The following PDZD7 variants were observed in gnomAD, a reference collection of about 807,000 sequenced individuals.
The protein encoded by PDZD7 is PDZ domain-containing protein 7.
PDZD7 carries 72 observed loss-of-function variants against 84.7 expected under a neutral mutation model. The observed-to-expected ratio is 0.85, with a 90% CI of 0.70 to 1.03. The LOEUF is 1.03. Among genes scored for constraint, PDZD7 ranks in the 50% least tolerant of loss-of-function variants. PDZD7 has a pLI of 0.00. For synonymous variants in PDZD7, 594 were observed against 580.7 expected (o/e 1.02, Z -0.33); for missense variants, 1,490 against 1,412.9 (o/e 1.05, Z -0.87).
rs1214651975 is a variant in PDZD7, at chr10:101,008,837, A to G, written c.2732T>C (p.Leu911Pro). The G allele has an allele frequency of 1.3e-6, 2 of 1,501,798 alleles. No individual in the cohort carries two copies. The highest frequency in any genetic ancestry group is 1.4e-5 in the African/African-American group (1 of 72,336). 93.0% of individuals were successfully genotyped at this position (1,501,798 alleles called of 1,614,324 possible). A position where few individuals can be genotyped will look rare whatever the true frequency, so the allele number is the denominator to read the frequency against. The change falls in exon 17 of 17, where the codon CTT becomes CCT. Residue 911 changes from leucine to proline, a missense_variant. Physicochemically the swap from Leu to Pro is moderately conservative, Grantham distance 98. Coordinates refer to ENST00000619208, the MANE Select transcript of PDZD7 (RefSeq NM_001195263.2). ...TAGATTCTCTCCGTCCACTGCCACA[A>G]GCTCGAAGCCAGCCTAGGGTGGGGT... ...LSGALQAGFE[L>P]VAVDGENLEQ...
intron 11 of PDZD7, among the ~76,000 whole-genome samples, chr10:101,013,681 A>G (rs1852475635): frequency 6.6e-6 from 1 of 152,172 alleles, no homozygotes; most frequent in Non-Finnish European, 1.5e-5. Flanking sequence ...TGTAACCTGT[A>G]TAAACCTATG....
At chr10:101,016,667 G>A (rs1852645100) in intron 9 of PDZD7, among the ~76,000 whole-genome samples, 1 of 152,236 alleles carries the variant, frequency 6.6e-6, no homozygotes, top group Admixed American at 6.5e-5. Context: ...CACTGCTTAT[G>A]CAAATTCACT....
In PDZD7 at chr10:101,016,416, C is replaced by T; in HGVS notation, c.1534G>A (p.Gly512Ser). The change falls in exon 10 of 17, where the codon GGC (glycine) becomes AGC (serine). Residue 512 changes from glycine to serine, a missense_variant. Physicochemically the swap from Gly to Ser is moderately conservative, Grantham distance 56. Transcript: ENST00000619208. ...RLDIEKAGGV[G>S]PVQKFVTWRL... is the part of the protein sequence containing the mutation. ...CAGGTGACAAACTTCTGTACCGGGCCCACGCCCCCTGCTATGAAGAAGAAA... is the reference window on the plus strand; with the variant it reads ...CAGGTGACAAACTTCTGTACCGGGCTCACGCCCCCTGCTATGAAGAAGAAA... 6 of 1,550,634 alleles carry T rather than the reference C, an allele frequency of 3.9e-6. No individual in the cohort carries two copies. The highest frequency in any genetic ancestry group is 5.2e-6 in the Non-Finnish European group (6 of 1,147,010).
In PDZD7 at chr10:101,018,869, C is replaced by T. The variant is rs1590059716; in HGVS notation, c.1277G>A (p.Arg426Gln). The change falls in exon 8 of 17, where the codon CGA (arginine) becomes CAA (glutamine). Residue 426 changes from arginine to glutamine, a missense_variant. Physicochemically the swap from Arg to Gln is conservative, Grantham distance 43. Coordinates refer to ENST00000619208, the MANE Select transcript of PDZD7 (RefSeq NM_001195263.2). ...GGAGCGCGTGATGGGGGGCCGGGGT[C>T]GGCTGAGGGCCAGCAGCAAAGCCGT... is the stretch of plus-strand genomic sequence containing the variant. ...PKTALLLALS[R>Q]PRPPITRSQS... 1.2e-6 allele frequency: 2 copies of T among 1,602,862 alleles called. No individual in the cohort carries two copies. Among genetic ancestry groups the T allele is most frequent in the South Asian group, 1.1e-5 (1 of 89,060 alleles).
At chr10:101,026,267 T>C (rs995501290) in intron 2 of PDZD7, among the ~76,000 whole-genome samples, 12 of 152,134 alleles carry the variant, frequency 7.9e-5, no homozygotes, top group African/African-American at 2.9e-4. Context: ...CCCTAGTAGC[T>C]GGGATTACTG....
In PDZD7 at chr10:101,007,704, G is replaced by A; in HGVS notation, c.*763C>T. 2.0e-6 allele frequency: 2 copies of A among 1,022,848 alleles called. 1 individual carries two copies. The highest frequency in any genetic ancestry group is 5.6e-5 in the South Asian group (2 of 35,990). 63.4% of individuals were successfully genotyped at this position (1,022,848 alleles called of 1,614,324 possible). Reference sequence around the variant, plus strand: ...GAACTCAGAAATGTCTTGTTTATTTGTGTTTGTGACCAAGCAGCCTCTCCC... The same window carrying A: ...GAACTCAGAAATGTCTTGTTTATTTATGTTTGTGACCAAGCAGCCTCTCCC... On this transcript the variant is annotated 3_prime_UTR_variant, in exon 17 of 17. Transcript: ENST00000619208.
chr10:101,018,409 CTGCAGCTACGCCGGGGTGAGAG>C (rs1236932623), intron 8 of PDZD7, 113 bp from the exon 9 acceptor site: 2 of 1,146,278 alleles, frequency 1.7e-6, no homozygotes, highest in Non-Finnish European at 2.5e-6. Flanking sequence ...CAGACAGGAT[CTGCAGCTACGCCGGGGTGAGAG>C]TGCGGTTCCT....
At position 101,011,680 on chromosome 10, in the gene PDZD7, TCTGA is replaced by T. The variant is rs1241902972; in HGVS notation, c.2005+6_2005+9del. 10 of 1,537,492 alleles carry T rather than the reference TCTGA, an allele frequency of 6.5e-6. No individual in the cohort carries two copies. The highest frequency in any genetic ancestry group is 8.7e-6 in the Non-Finnish European group (10 of 1,146,750). On this transcript the variant is annotated splice_donor_region_variant and intron_variant, in intron 14 of 16. Transcript: ENST00000619208. ...TGTGCCCCTCCCTGGGCTCTGGGACTCTGACTGACCAGGCACGGGGGTGATAAGG... is the reference window on the plus strand; with the variant it reads ...TGTGCCCCTCCCTGGGCTCTGGGACTCTGACCAGGCACGGGGGTGATAAGG...
chr10:101,021,998 CCCACT>C (rs1211779199), intron 5 of PDZD7, 53 bp from the exon 6 acceptor site: 1 of 1,603,550 alleles, frequency 6.2e-7, no homozygotes, highest in Non-Finnish European at 8.5e-7. Flanking sequence ...CCTCCGTTAC[CCCACT>C]CCAGACCCCC....
chr10:101,018,463 T>C (rs1022084527), intron 8 of PDZD7, among the ~76,000 whole-genome samples, 167 bp from the exon 9 acceptor site: 1 of 152,142 alleles, frequency 6.6e-6, no homozygotes, highest in African/African-American at 2.4e-5. Context: ...CTGACCCTTT[T>C]CCCCACCGCA....
At chr10:101,023,825 G>C in intron 3 of PDZD7, 103 bp downstream of exon 3, 1 of 1,586,514 alleles carries the variant, frequency 6.3e-7, no homozygotes, top group Non-Finnish European at 8.6e-7. Flanking sequence ...GCCCTCCAGA[G>C]CTGGGGACTC....
At position 101,010,797 on chromosome 10, in the gene PDZD7, G is replaced by T. The variant is rs1315823727; in HGVS notation, c.2092C>A (p.Leu698Ile). The change falls in exon 15 of 17, where the codon CTC becomes ATC. Residue 698 changes from leucine to isoleucine, a missense_variant. Leu to Ile is a conservative substitution (Grantham distance 5, BLOSUM62 2). Transcript: ENST00000619208. ...GCAGAGGCACTTGGGGAGACCTTGA[G>T]GGCCCCCAGCCGCTCCCTCAGCTCC... ...NGELRERLGA[L>I]KVSPSASAPR... 2 of 1,535,534 alleles carry T rather than the reference G, an allele frequency of 1.3e-6. No homozygotes were observed. The highest frequency in any genetic ancestry group is 2.0e-5 in the Admixed American group (1 of 50,998).
intron 9 of PDZD7, among the ~76,000 whole-genome samples, 182 bp from the exon 10 acceptor site, chr10:101,016,609 C>T (rs1331579030): frequency 6.6e-6 from 1 of 152,196 alleles, no homozygotes; most frequent in Non-Finnish European, 1.5e-5. Context: ...CCTTCATAGG[C>T]AATGGGGAGT....
intron 2 of PDZD7, among the ~76,000 whole-genome samples, chr10:101,027,685 A>T (rs1475492011): frequency 6.6e-6 from 1 of 151,912 alleles, no homozygotes; most frequent in Non-Finnish European, 1.5e-5. Context: ...AGATGATCAC[A>T]TTCTGACTCT....
chr10:101,017,807 A>G, intron 9 of PDZD7: 1 of 467,200 alleles, frequency 2.1e-6, no homozygotes, highest in Non-Finnish European at 3.7e-6. Flanking sequence ...AAGAAAGAAA[A>G]AGAAAGAAAG....
intron 1 of PDZD7, 69 bp downstream of exon 1, chr10:101,031,004 A>C (rs1256002899): frequency 6.6e-6 from 1 of 152,614 alleles, no homozygotes; most frequent in East Asian, 1.9e-4. Context: ...TCTGGGACCT[A>C]GAATGAAGCA....
intron 8 of PDZD7, 117 bp from the exon 9 acceptor site, chr10:101,018,413 AGCTACGCCGG>A (rs1852839275): frequency 7.2e-6 from 8 of 1,114,334 alleles, no homozygotes; most frequent in East Asian, 2.5e-5. Context: ...CAGGATCTGC[AGCTACGCCGG>A]GGTGAGAGTG....
intron 4 of PDZD7, among the ~76,000 whole-genome samples, chr10:101,022,941 T>G (rs927847595): frequency 1.3e-5 from 2 of 151,970 alleles, no homozygotes; most frequent in Non-Finnish European, 2.9e-5. Context: ...CTCGGTTAAT[T>G]TTTTATTTTT....
At position 101,012,250 on chromosome 10, in the gene PDZD7, G is replaced by A. The variant is rs796585261; in HGVS notation, c.1758C>T (p.His586=). The change falls in exon 12 of 17, where the codon CAC becomes CAT. Residue 586 remains histidine (H), a synonymous_variant. Transcript: ENST00000619208. ...AVTRHCSRYV[H]EGGIEDLVRP... ...TCACCAGGTCCTCTATGCCTCCCTC[G>A]TGCACATACTGCAGATAGAGGCAGC... The A allele has an allele frequency of 1.0e-4, 155 of 1,549,854 alleles. No individual in the cohort carries two copies. The highest frequency in any genetic ancestry group is 1.3e-4 in the Non-Finnish European group (146 of 1,146,894).
Sources: allele counts gnomAD v4.1 joint callset (sites outside exome capture counted in the v4.1 genomes callset), GRCh38; gene constraint gnomAD v4.1.1; transcripts MANE v1.5; gene names NCBI Gene and HGNC (gene_info 2026-07-23, HGNC 2026-07-21).